Variants in PSEN1 observed in about 807,000 individuals in gnomAD.
PSEN1 encodes presenilin-1.
PSEN1 carries 15 observed loss-of-function variants against 53.5 expected under a neutral mutation model. The observed-to-expected ratio is 0.28, with a 90% CI of 0.19 to 0.43. The LOEUF (loss-of-function observed/expected upper bound fraction) is 0.43, where lower values mean the gene tolerates loss of function less well. Ranked by LOEUF, PSEN1 falls within the 20% of genes least tolerant of loss-of-function variation. The pLI, the probability that PSEN1 is intolerant of heterozygous loss-of-function variation, is 1.00. For missense variants in PSEN1, 387 were observed against 571.2 expected (o/e 0.68, Z 3.29); for synonymous variants, 208 against 209.8 (o/e 0.99, Z 0.08).
intron 5 of PSEN1, among the ~76,000 whole-genome samples, chr14:73,183,469 G>A (rs1319413393): frequency 2.6e-5 from 4 of 151,974 alleles, no homozygotes; most frequent in Admixed American, 6.6e-5. Context: ...TGTGTCCCTG[G>A]GTACTTGAGA....
At chr14:73,201,721 AG>A (rs1899195669) in intron 8 of PSEN1, among the ~76,000 whole-genome samples, 1 of 152,166 alleles carries the variant, frequency 6.6e-6, no homozygotes, top group Admixed American at 6.5e-5. Flanking sequence ...AGGTGTTTCA[AG>A]GAGAGGGAAG....
intron 8 of PSEN1, among the ~76,000 whole-genome samples, chr14:73,204,116 A>T (rs911944018): frequency 6.6e-6 from 1 of 152,130 alleles, no homozygotes; most frequent in Admixed American, 6.6e-5. Context: ...CTCCTGCCTC[A>T]GCCTCCCGAG....
At chr14:73,177,904 C>T (rs1008283407) in intron 5 of PSEN1, among the ~76,000 whole-genome samples, 1 of 151,620 alleles carries the variant, frequency 6.6e-6, no homozygotes, top group Admixed American at 6.6e-5. Context: ...TGTCTTTTAC[C>T]AAATTTGGAA....
chr14:73,201,898 C>G (rs1256580016), intron 8 of PSEN1, among the ~76,000 whole-genome samples: 1 of 152,094 alleles, frequency 6.6e-6, no homozygotes, highest in Non-Finnish European at 1.5e-5. Context: ...AGGCACCCAC[C>G]ACCACATCCG....
At chr14:73,151,998 G>A (rs1242057487) in intron 3 of PSEN1, among the ~76,000 whole-genome samples, 2 of 123,830 alleles carry the variant, frequency 1.6e-5, no homozygotes. Context: ...TGCAAGTTCT[G>A]CATCCCGGGT....
At chr14:73,171,594 C>G (rs896978116) in intron 4 of PSEN1, among the ~76,000 whole-genome samples, 7 of 152,192 alleles carry the variant, frequency 4.6e-5, no homozygotes, top group African/African-American at 1.7e-4. Context: ...CACACGTGGT[C>G]CCTGCTGCTG....
intron 5 of PSEN1, among the ~76,000 whole-genome samples, chr14:73,181,178 G>A (rs866718347): frequency 2.0e-5 from 3 of 152,126 alleles, no homozygotes; most frequent in Admixed American, 1.3e-4. Flanking sequence ...GGTGGCTCAC[G>A]CATGTAATCC....
At position 73,160,969 on chromosome 14, in the gene PSEN1, C is replaced by CTTT. The variant is rs552718246; in HGVS notation, c.88-9811_88-9809dup. On this transcript the variant is annotated intron_variant, in intron 3 of 11. Coordinates refer to ENST00000324501, the MANE Select transcript of PSEN1 (RefSeq NM_000021.4). Reference sequence around the variant, plus strand: ...AATCTCTTACCAGATATATGATTTGCTTTTTTTTTTTTTTTTTTTCGATAC... The same window carrying CTTT: ...AATCTCTTACCAGATATATGATTTGCTTTTTTTTTTTTTTTTTTTTTTCGATAC... Among the ~76,000 whole-genome samples the CTTT allele has an allele frequency of 1.4e-4, 13 of 91,654 alleles. 1 individual carries two copies. Among genetic ancestry groups the CTTT allele is most frequent in the African/African-American group, 4.2e-4 (10 of 23,804 alleles). The allele number at this position is 91,654 out of a possible 152,430, so 60.1% of individuals were successfully genotyped here.
chr14:73,141,224 C>T (rs1286590659), intron 1 of PSEN1, among the ~76,000 whole-genome samples: 1 of 151,986 alleles, frequency 6.6e-6, no homozygotes, highest in Non-Finnish European at 1.5e-5. Context: ...TGTATTCCTC[C>T]CTTGGCCAGG....
chr14:73,192,982 C>A (rs1898787847), intron 7 of PSEN1, 118 bp downstream of exon 7: 1 of 818,888 alleles, frequency 1.2e-6, no homozygotes, highest in Non-Finnish European at 2.1e-6. Context: ...CATAACTCTT[C>A]AGTAAATCAT....
intron 5 of PSEN1, 95 bp from the exon 6 acceptor site, chr14:73,186,758 C>G: frequency 9.7e-7 from 1 of 1,034,554 alleles, no homozygotes. Flanking sequence ...GTCTGGGCGA[C>G]AAAGTGAGAC....
chr14:73,171,489 G>A (rs1897888835), intron 4 of PSEN1, among the ~76,000 whole-genome samples: 1 of 152,088 alleles, frequency 6.6e-6, no homozygotes, highest in African/African-American at 2.4e-5. Flanking sequence ...TCTCAGCAAG[G>A]CAAGTTACTT....
chr14:73,195,471 C>G (rs1005834845), intron 7 of PSEN1, among the ~76,000 whole-genome samples: 2 of 152,208 alleles, frequency 1.3e-5, no homozygotes, highest in African/African-American at 4.8e-5. Context: ...CTGCGCCCAG[C>G]CTACTCATCA....
At chr14:73,174,309 C>T (rs1897983020) in intron 5 of PSEN1, 1 of 155,850 alleles carries the variant, frequency 6.4e-6, no homozygotes, top group Admixed American at 6.4e-5. Context: ...TTTTGGCTCA[C>T]TGCAGACTCA....
intron 7 of PSEN1, among the ~76,000 whole-genome samples, chr14:73,193,730 C>T (rs1898821988): frequency 6.6e-6 from 1 of 151,960 alleles, no homozygotes; most frequent in Non-Finnish European, 1.5e-5. Flanking sequence ...AGTCATAGCT[C>T]ACTGCAACCT....
intron 5 of PSEN1, among the ~76,000 whole-genome samples, chr14:73,184,413 C>CTG (rs1898380932): frequency 3.5e-4 from 17 of 49,194 alleles, no homozygotes; most frequent in African/African-American, 1.0e-3. Context: ...CCTCCCTCTC[C>CTG]GACGGGGCGG....
chr14:73,168,365 AAAC>A, intron 3 of PSEN1: 1 of 152,362 alleles, frequency 6.6e-6, no homozygotes, highest in Non-Finnish European at 1.5e-5. Flanking sequence ...AAAAAAAAAA[AAAC>A]AAAAACAAAA....
At chr14:73,157,558 A>T (rs991497359) in intron 3 of PSEN1, among the ~76,000 whole-genome samples, 1 of 152,214 alleles carries the variant, frequency 6.6e-6, no homozygotes, top group African/African-American at 2.4e-5. Flanking sequence ...CCACCACCAC[A>T]GTTAAAATAA....
At chr14:73,184,594 G>A (rs1274235780) in intron 5 of PSEN1, among the ~76,000 whole-genome samples, 2 of 131,458 alleles carry the variant, frequency 1.5e-5, no homozygotes, top group African/African-American at 6.2e-5. Context: ...AGGGGCGGCC[G>A]GGCAGAGGCG....
Sources: gnomAD v4.1 joint callset for allele counts (sites outside exome capture counted in the v4.1 genomes callset) on GRCh38, gnomAD v4.1.1 for gene constraint, MANE v1.5 for transcripts, NCBI Gene and HGNC (gene_info 2026-07-23, HGNC 2026-07-21) for gene names.